LGR6: variants seen among roughly 807,000 people sequenced by gnomAD.
The protein encoded by LGR6 is leucine-rich repeat-containing G protein-coupled receptor 6.
LGR6 carries 45 observed loss-of-function variants against 69.4 expected under a neutral mutation model. The ratio of observed to expected loss-of-function variants is 0.65; its 90% CI spans 0.51 to 0.83. LGR6 has a LOEUF of 0.83. Among genes scored for constraint, LGR6 ranks in the 40% least tolerant of loss-of-function variants. LGR6 has a pLI of 0.00. For synonymous variants in LGR6, 538 were observed against 555.0 expected (o/e 0.97, Z 0.43); for missense variants, 1,108 against 1,246.7 (o/e 0.89, Z 1.68).
At chr1:202,303,758 G>A (rs72748729) in intron 10 of LGR6, among the ~76,000 whole-genome samples, 3,627 of 152,230 alleles carry the variant, frequency 0.024, 66 homozygotes, top group South Asian at 0.053. Flanking sequence ...CAGGAGTGCC[G>A]ACGCATAGTA....
At chr1:202,270,094 C>T (rs2148136603) in intron 4 of LGR6, among the ~76,000 whole-genome samples, 1 of 152,182 alleles carries the variant, frequency 6.6e-6, no homozygotes, top group Non-Finnish European at 1.5e-5. Context: ...CTGTAAGGGC[C>T]CCTGGTTTCC....
At chr1:202,236,523 T>G (rs1661570457) in intron 4 of LGR6, among the ~76,000 whole-genome samples, 1 of 152,148 alleles carries the variant, frequency 6.6e-6, no homozygotes, top group East Asian at 1.9e-4. Flanking sequence ...GTAGTTCCCT[T>G]CTTGTCCAGC....
intron 1 of LGR6, among the ~76,000 whole-genome samples, chr1:202,205,829 C>CT (rs1412916620): frequency 0.028 from 3,691 of 130,840 alleles, 144 homozygotes; most frequent in African/African-American, 0.095. Flanking sequence ...ACACACACCC[C>CT]AACACACACA....
intron 3 of LGR6, among the ~76,000 whole-genome samples, chr1:202,232,998 T>C (rs1244214918): frequency 1.3e-5 from 2 of 152,094 alleles, no homozygotes; most frequent in African/African-American, 4.8e-5. Flanking sequence ...TCAAGGGAAA[T>C]GGGTCAGGGC....
intron 6 of LGR6, among the ~76,000 whole-genome samples, chr1:202,289,747 C>G (rs1666656738): frequency 6.6e-6 from 1 of 152,194 alleles, no homozygotes; most frequent in Admixed American, 6.5e-5. Context: ...AGGACAGAGG[C>G]TCTGTCTGCA....
At chr1:202,211,364 G>C (rs114173837) in intron 1 of LGR6, among the ~76,000 whole-genome samples, 3,530 of 152,278 alleles carry the variant, frequency 0.023, 143 homozygotes, top group African/African-American at 0.08. Flanking sequence ...TTCAGAGTTT[G>C]TTTTTTTGAG....
chr1:202,297,484 T>C (rs756013721), intron 6 of LGR6, 24 bp from the exon 7 acceptor site: 1 of 1,608,444 alleles, frequency 6.2e-7, no homozygotes. Flanking sequence ...TTTGCCCTAA[T>C]GACTGCTCTG....
rs756762118 is a variant in LGR6 at position 202,300,856 on chromosome 1, C to G, written c.793C>G (p.His265Asp). 7.5e-6 allele frequency: 12 copies of G among 1,610,384 alleles called. No homozygotes were observed. Among genetic ancestry groups the G allele is most frequent in the Non-Finnish European group, 9.3e-6 (11 of 1,178,406 alleles). ...TLGRLQELGF[H>D]NNNIKAIPEK... ...CCTGGTGTTGTCTTCCAGGGGGTTC[C>G]ATAACAACAACATCAAGGCCATCCC... The change falls in exon 8 of 18, where the codon CAT becomes GAT. Residue 265 changes from histidine to aspartate, a missense_variant. Physicochemically the swap from His to Asp is moderately conservative, Grantham distance 81. Transcript: ENST00000367278.
chr1:202,203,767 C>G, intron 1 of LGR6: 3 of 1,607,712 alleles, frequency 1.9e-6, no homozygotes, highest in Non-Finnish European at 1.7e-6. Flanking sequence ...GCTCCTAATG[C>G]GGAAGCCCCT....
chr1:202,274,628 G>A (rs1665387499), intron 4 of LGR6, among the ~76,000 whole-genome samples: 1 of 152,224 alleles, frequency 6.6e-6, no homozygotes, highest in Non-Finnish European at 1.5e-5. Context: ...TTCTGATTTA[G>A]TAAGTCTGGG....
chr1:202,314,142 G>A lies in LGR6; in HGVS notation c.1568-660G>A, dbSNP rs116522513. ...CTCCATTCGAATCATAATTTGCCTC[G>A]TTCTACAGTCCATCCATTGATCCTG... On this transcript the variant is annotated intron_variant, in intron 16 of 17. Coordinates refer to ENST00000367278, the MANE Select transcript of LGR6 (RefSeq NM_001017403.2). Among the ~76,000 whole-genome samples, 161 of 152,236 alleles carry A rather than the reference G, an allele frequency of 1.1e-3. 1 individual carries two copies. The highest frequency in any genetic ancestry group is 3.4e-3 in the African/African-American group (141 of 41,524).
intron 4 of LGR6, among the ~76,000 whole-genome samples, chr1:202,237,087 C>T (rs1407669095): frequency 1.3e-5 from 2 of 152,324 alleles, no homozygotes; most frequent in Middle Eastern, 3.4e-3. Context: ...GTGCCCTCTA[C>T]CCTCCTGCCT....
intron 4 of LGR6, among the ~76,000 whole-genome samples, chr1:202,261,671 A>G (rs995739032): frequency 2.0e-5 from 3 of 152,232 alleles, no homozygotes; most frequent in Non-Finnish European, 2.9e-5. Flanking sequence ...TGACTTCCAC[A>G]ATGGTTGAAC....
At chr1:202,295,870 AGTGTGTGTGTGTGTGTGTGTGTGTGT>A (rs10522809) in intron 6 of LGR6, among the ~76,000 whole-genome samples, 1 of 143,942 alleles carries the variant, frequency 6.9e-6, no homozygotes, top group Non-Finnish European at 1.5e-5. Flanking sequence ...TTGGGTAATT[AGTGTGTGTGTGTGTGTGTGTGTGTGT>A]GTGTGTGTGT....
At position 202,309,180 on chromosome 1, in the gene LGR6, A is replaced by C; in HGVS notation, c.1406+4A>C. 6.2e-7 allele frequency: 1 copy of C among 1,613,806 alleles called. No individual in the cohort carries two copies. Among genetic ancestry groups the C allele is most frequent in the Non-Finnish European group, 8.5e-7 (1 of 1,179,824 alleles). ...AGGACAGTTTCCCAAAACTGAGGTG[A>C]GGGACTGGCTTTCCCCAACACCTGG... is the stretch of plus-strand genomic sequence containing the variant. On this transcript the variant is annotated splice_donor_region_variant and intron_variant, in intron 15 of 17. Coordinates refer to ENST00000367278, the MANE Select transcript of LGR6 (RefSeq NM_001017403.2).
At position 202,314,803 on chromosome 1, in the gene LGR6, T is replaced by C. The variant is rs534875539; in HGVS notation, c.1569T>C (p.Tyr523=). ...GCATCACTTTGTCTCTCCTTTCAGA[T>C]GACCAGGACCTGGATGAGCTCCAGC... ...GLLARQAENH[Y]DQDLDELQLE... Residue 523 remains tyrosine (Y), a splice_region_variant and synonymous_variant, in exon 17 of 18, where the codon TAT becomes TAC. Transcript: ENST00000367278. 2.5e-6 allele frequency: 4 copies of C among 1,613,382 alleles called. No individual in the cohort carries two copies. The highest frequency in any genetic ancestry group is 1.7e-5 in the Admixed American group (1 of 60,008).
intron 6 of LGR6, among the ~76,000 whole-genome samples, chr1:202,288,593 A>G (rs1239448090): frequency 6.6e-6 from 1 of 152,076 alleles, no homozygotes; most frequent in Non-Finnish European, 1.5e-5. Context: ...AGTCACATCT[A>G]TACTCCGAGA....
chr1:202,248,562 G>A (rs1263544819), intron 4 of LGR6, among the ~76,000 whole-genome samples: 1 of 152,184 alleles, frequency 6.6e-6, no homozygotes, highest in African/African-American at 2.4e-5. Flanking sequence ...AGCAAGGCCT[G>A]GTCTGGAGGA....
chr1:202,299,611 C>T (rs1571993963), intron 7 of LGR6, among the ~76,000 whole-genome samples: 1 of 152,096 alleles, frequency 6.6e-6, no homozygotes, highest in African/African-American at 2.4e-5. Flanking sequence ...CAACATTAGA[C>T]ACAAAGATGG....
Sources: allele counts gnomAD v4.1 joint callset (sites outside exome capture counted in the v4.1 genomes callset), GRCh38; gene constraint gnomAD v4.1.1; transcripts MANE v1.5; gene names NCBI Gene and HGNC (gene_info 2026-07-23, HGNC 2026-07-21).